Variants in AGPAT2 observed in about 807,000 individuals in gnomAD.
AGPAT2 encodes 1-acylglycerol-3-phosphate O-acyltransferase 2, also known as 1-acyl-sn-glycerol-3-phosphate acyltransferase beta.
AGPAT2 carries 18 observed loss-of-function variants against 26.1 expected under a neutral mutation model. The ratio of observed to expected loss-of-function variants is 0.69; its 90% CI spans 0.48 to 1.02. The LOEUF (loss-of-function observed/expected upper bound fraction) is 1.02. Ranked by LOEUF, AGPAT2 falls within the 50% of genes least tolerant of loss-of-function variation. AGPAT2 has a pLI of 0.00. For missense variants in AGPAT2, 415 were observed against 394.9 expected, an observed-to-expected ratio of 1.05 and a Z score of -0.43; for synonymous variants, 200 against 174.2, an observed-to-expected ratio of 1.15 and a Z score of -1.16.
At chr9:136,678,366 A>G (rs987107583) in intron 1 of AGPAT2, among the ~76,000 whole-genome samples, 2 of 152,166 alleles carry the variant, frequency 1.3e-5, no homozygotes, top group Admixed American at 1.3e-4. Context: ...TCCAAGGGGT[A>G]CCCGAAGACT....
chr9:136,673,649 C>T lies in AGPAT2; in HGVS notation c.*103G>A, dbSNP rs1039745793. On this transcript the variant is annotated 3_prime_UTR_variant, in exon 6 of 6. Coordinates refer to ENST00000371696, the MANE Select transcript of AGPAT2 (RefSeq NM_006412.4). ...CGGGCTGAGTGAGAGCTGGGGGAGC[C>T]GGACAGAGTGGTATTTGGAAGCCGG... The T allele has an allele frequency of 4.2e-5, 54 of 1,282,788 alleles. No homozygotes were observed. Among genetic ancestry groups the T allele is most frequent in the Admixed American group, 3.1e-4 (11 of 35,366 alleles). The allele number at this position is 1,282,788 out of a possible 1,614,324, so 79.5% of individuals were successfully genotyped here.
In AGPAT2 at chr9:136,673,695, C is replaced by T. The variant is rs1248064480; in HGVS notation, c.*57G>A. On this transcript the variant is annotated 3_prime_UTR_variant, in exon 6 of 6. Coordinates refer to ENST00000371696, the MANE Select transcript of AGPAT2 (RefSeq NM_006412.4). The stretch of plus-strand genomic sequence containing the variant: ...GCCGGGAGGAGTCCCCTCTGCCCAT[C>T]CTCCAGCCATCGGCTTCCACCTGCC... 2.7e-5 allele frequency: 40 copies of T among 1,487,896 alleles called. No individual in the cohort carries two copies. The highest frequency in any genetic ancestry group is 3.4e-5 in the Non-Finnish European group (38 of 1,108,096). The allele number at this position is 1,487,896 out of a possible 1,614,324, so 92.2% of individuals were successfully genotyped here. A position where few individuals can be genotyped will look rare whatever the true frequency, so the allele number is the denominator to read the frequency against.
At chr9:136,681,660 G>T (rs916518002) in intron 1 of AGPAT2, among the ~76,000 whole-genome samples, 3 of 152,186 alleles carry the variant, frequency 2.0e-5, no homozygotes, top group African/African-American at 7.2e-5. Flanking sequence ...AAATCAGCCA[G>T]ACGTGGTGGC....
intron 3 of AGPAT2, 114 bp from the exon 4 acceptor site, chr9:136,676,794 T>C (rs529339113): frequency 7.9e-7 from 1 of 1,272,876 alleles, no homozygotes. Context: ...TGGGACCCCA[T>C]CTGCGGAGCA....
intron 4 of AGPAT2, 33 bp from the exon 5 acceptor site, chr9:136,674,840 C>A (rs762594593): frequency 6.6e-7 from 1 of 1,504,552 alleles, no homozygotes; most frequent in East Asian, 2.5e-5. Flanking sequence ...CTGAGGCAGC[C>A]CTGGGGACAG....
intron 1 of AGPAT2, 68 bp downstream of exon 1, chr9:136,687,108 G>C: frequency 6.7e-7 from 1 of 1,497,356 alleles, no homozygotes; most frequent in Non-Finnish European, 8.9e-7. Context: ...GGGAAGCCCA[G>C]AAGAAAGTTA....
At chr9:136,686,502 G>A (rs988239938) in intron 1 of AGPAT2, among the ~76,000 whole-genome samples, 5 of 152,216 alleles carry the variant, frequency 3.3e-5, no homozygotes, top group African/African-American at 1.2e-4. Flanking sequence ...AGGCGTCCAG[G>A]GGAAAATTTC....
chr9:136,674,891 T>G, intron 4 of AGPAT2, 84 bp from the exon 5 acceptor site: 1 of 1,015,734 alleles, frequency 9.8e-7, no homozygotes, highest in Non-Finnish European at 1.3e-6. Context: ...GGGAGCCCTG[T>G]CCTGCGGCCC....
intron 1 of AGPAT2, among the ~76,000 whole-genome samples, chr9:136,679,204 C>T (rs149143513): frequency 4.6e-5 from 7 of 152,228 alleles, no homozygotes; most frequent in African/African-American, 9.6e-5. Flanking sequence ...CTCTGGCTGA[C>T]GTCTGTTCCC....
intron 3 of AGPAT2, 138 bp from the exon 4 acceptor site, chr9:136,676,818 G>C (rs1036751925): frequency 1.5e-5 from 19 of 1,242,520 alleles, no homozygotes; most frequent in African/African-American, 3.0e-5. Flanking sequence ...ATGATGTAGG[G>C]GTCTGGCGTG....
intron 1 of AGPAT2, among the ~76,000 whole-genome samples, chr9:136,679,620 G>C (rs539574971): frequency 9.2e-5 from 14 of 152,338 alleles, no homozygotes; most frequent in Admixed American, 1.3e-4. Context: ...AAGACGAGGA[G>C]GCAAAAGCCG....
chr9:136,677,439 G>C lies in AGPAT2; in HGVS notation c.300C>G (p.Ser100Arg). The change falls in exon 2 of 6, where the codon AGC becomes AGG. Residue 100 changes from serine (S) to arginine (R), a missense_variant. Physicochemically the swap from Ser to Arg is moderately radical, Grantham distance 110. Coordinates refer to ENST00000371696, the MANE Select transcript of AGPAT2 (RefSeq NM_006412.4). ...CCGGCCTACCCATCATGTCCAGGAT[G>C]CTCTGGTGGTTGGAGACGATGACAC... Reference protein sequence around the residue: ...RPCVIVSNHQSILDMMGLMEV... With the variant: ...RPCVIVSNHQRILDMMGLMEV... The C allele has an allele frequency of 1.9e-6, 3 of 1,613,240 alleles. No individual in the cohort carries two copies. The highest frequency in any genetic ancestry group is 2.5e-6 in the Non-Finnish European group (3 of 1,179,940).
intron 1 of AGPAT2, among the ~76,000 whole-genome samples, chr9:136,680,694 C>T (rs1245708759): frequency 4.6e-5 from 7 of 151,162 alleles, no homozygotes; most frequent in Non-Finnish European, 8.8e-5. Flanking sequence ...TTTTTTGAGA[C>T]GGAGTCTTGC....
chr9:136,673,251 T>G lies in AGPAT2; in HGVS notation c.*501A>C, dbSNP rs1846032113. ...GCAGGCCCCGATTCCCGGCTCCCTG[T>G]GGCCCAGGGTGCGTGAGTCTGGGAC... On this transcript the variant is annotated 3_prime_UTR_variant, in exon 6 of 6. Transcript: ENST00000371696. The G allele has an allele frequency of 6.5e-6, 1 of 153,286 alleles. No homozygotes were observed. The highest frequency in any genetic ancestry group is 1.5e-5 in the Non-Finnish European group (1 of 68,822). 9.5% of individuals were successfully genotyped at this position (153,286 alleles called of 1,614,324 possible).
intron 5 of AGPAT2, 124 bp from the exon 6 acceptor site, chr9:136,674,051 C>A: frequency 1.1e-6 from 1 of 944,088 alleles, no homozygotes; most frequent in Non-Finnish European, 1.5e-6. Context: ...AGGCCGGGCT[C>A]TTCCCCTGGA....
chr9:136,676,126 G>A lies in AGPAT2; in HGVS notation c.588+459C>T, dbSNP rs572426560. On this transcript the variant is annotated intron_variant, in intron 4 of 5. Coordinates refer to ENST00000371696, the MANE Select transcript of AGPAT2 (RefSeq NM_006412.4). ...GGACCAGGAAGTCCAGAGTCTGGAG[G>A]CGCTGCTTACAATGAGCTCCACCCA... Among the ~76,000 whole-genome samples the A allele has an allele frequency of 2.6e-5, 4 of 152,318 alleles. No homozygotes were observed. In the South Asian group the frequency reaches 8.3e-4, roughly 32 times the overall value.
Position 136,687,396 on chromosome 9 carries a change from C to A in AGPAT2, c.-39G>T. 7.2e-7 allele frequency: 1 copy of A among 1,386,764 alleles called. No homozygotes were observed. Among genetic ancestry groups the A allele is most frequent in the Non-Finnish European group, 9.3e-7 (1 of 1,073,204 alleles). 85.9% of individuals were successfully genotyped at this position (1,386,764 alleles called of 1,614,324 possible). On this transcript the variant is annotated 5_prime_UTR_variant, in exon 1 of 6. Coordinates refer to ENST00000371696, the MANE Select transcript of AGPAT2 (RefSeq NM_006412.4). ...GCCCGACGGCGCCGCCAGCTCGCTC[C>A]CGCTCCCGCTCCCGCTTCTCCCCCG...
At position 136,679,639 on chromosome 9, in the gene AGPAT2, C is replaced by T. The variant is rs182051676; in HGVS notation, c.183-2083G>A. ...CGAGGAGGCAAAAGCCGGCAGTTCACCAACAGGAAACACAGAACTGTCTGG... is the reference window on the plus strand; with the variant it reads ...CGAGGAGGCAAAAGCCGGCAGTTCATCAACAGGAAACACAGAACTGTCTGG... On this transcript the variant is annotated intron_variant, in intron 1 of 5. Coordinates refer to ENST00000371696, the MANE Select transcript of AGPAT2 (RefSeq NM_006412.4). Among the ~76,000 whole-genome samples the T allele has an allele frequency of 2.0e-3, 309 of 152,300 alleles. 1 individual carries two copies. Among genetic ancestry groups the T allele is most frequent in the African/African-American group, 7.2e-3 (298 of 41,570 alleles).
intron 4 of AGPAT2, 35 bp from the exon 5 acceptor site, chr9:136,674,842 T>A: frequency 6.7e-7 from 1 of 1,496,016 alleles, no homozygotes; most frequent in South Asian, 1.3e-5. Context: ...GAGGCAGCCC[T>A]GGGGACAGGC....
Sources: allele counts gnomAD v4.1 joint callset (sites outside exome capture counted in the v4.1 genomes callset), GRCh38; gene constraint gnomAD v4.1.1; transcripts MANE v1.5; gene names NCBI Gene and HGNC (gene_info 2026-07-23, HGNC 2026-07-21).